The following ATP2B1 variants were observed in gnomAD, a reference collection of about 807,000 sequenced individuals.
ATP2B1 encodes ATPase plasma membrane Ca2+ transporting 1.
Under a neutral mutation model 124.2 loss-of-function variants are expected in ATP2B1, and 14 were observed. The observed-to-expected ratio is 0.11, with a 90% CI of 0.07 to 0.18. ATP2B1 has a LOEUF of 0.18. Among genes scored for constraint, ATP2B1 ranks in the 10% least tolerant of loss-of-function variants. The pLI is 1.00. For synonymous variants in ATP2B1, 449 were observed against 492.4 expected (o/e 0.91, Z 1.17); for missense variants, 763 against 1,466.1 (o/e 0.52, Z 7.83).
Position 89,624,380 on chromosome 12 carries a change from T to C in ATP2B1, c.1147A>G (p.Ile383Val), listed in dbSNP as rs772172164. 41 of 1,613,560 alleles carry C rather than the reference T, an allele frequency of 2.5e-5. No homozygotes were observed. In the Admixed American group the frequency reaches 6.3e-4, roughly 25 times the overall value. The change falls in exon 9 of 21, where the codon ATC (isoleucine) becomes GTC (valine). Residue 383 changes from isoleucine to valine, a missense_variant. This residue lies in a region of ATP2B1 where 392 missense variants were observed against 776.6 expected (regional missense o/e 0.50). Transcript: ENST00000428670. ...IGKAGLLMSA[I>V]TVIILVLYFV... ...TATAATACTAGAATGATAACTGTGA[T>C]GGCAGACATCAACAGACCTTTCAGA...
chr12:89,619,310 C>T (rs1879537174), intron 11 of ATP2B1, among the ~76,000 whole-genome samples: 1 of 151,964 alleles, frequency 6.6e-6, no homozygotes, highest in South Asian at 2.1e-4. Context: ...CCACAATGAG[C>T]GTTGAAGATC....
At chr12:89,604,472 C>T in intron 15 of ATP2B1, 126 bp from the exon 16 acceptor site, 1 of 660,216 alleles carries the variant, frequency 1.5e-6, no homozygotes, top group Non-Finnish European at 2.4e-6. Context: ...TAAATTTACA[C>T]TAAAAGAAGG....
intron 2 of ATP2B1, among the ~76,000 whole-genome samples, chr12:89,648,817 G>T (rs1351800473): frequency 6.6e-6 from 1 of 152,246 alleles, no homozygotes; most frequent in African/African-American, 2.4e-5. Flanking sequence ...CTAGGCCCAG[G>T]GTGCAGCTGT....
At chr12:89,687,325 C>CA in intron 1 of ATP2B1, among the ~76,000 whole-genome samples, 1 of 152,252 alleles carries the variant, frequency 6.6e-6, no homozygotes, top group South Asian at 2.1e-4. Context: ...TATGGGTTTG[C>CA]AGCCTAGAAG....
chr12:89,604,478 G>T (rs1362931981), intron 15 of ATP2B1, 132 bp from the exon 16 acceptor site: 2 of 639,104 alleles, frequency 3.1e-6, no homozygotes, highest in South Asian at 2.5e-5. Flanking sequence ...TACACTAAAA[G>T]AAGGTAACAG....
chr12:89,701,913 C>T (rs1001949979), intron 1 of ATP2B1, among the ~76,000 whole-genome samples: 1 of 152,140 alleles, frequency 6.6e-6, no homozygotes, highest in Non-Finnish European at 1.5e-5. Flanking sequence ...TGAGGGACCA[C>T]CAGACTCTAA....
chr12:89,655,491 T>C (rs1329784435), intron 2 of ATP2B1, 188 bp downstream of exon 2: 3 of 603,726 alleles, frequency 5.0e-6, no homozygotes, highest in South Asian at 2.1e-5. Flanking sequence ...ATAAATTAAT[T>C]TGCAACATTT....
chr12:89,632,775 C>T (rs993307137), intron 5 of ATP2B1, among the ~76,000 whole-genome samples: 3 of 152,174 alleles, frequency 2.0e-5, no homozygotes, highest in African/African-American at 7.2e-5. Context: ...AACTTTCCCA[C>T]CCATACTGCG....
intron 5 of ATP2B1, among the ~76,000 whole-genome samples, chr12:89,634,550 A>AT (rs1341566641): frequency 6.6e-6 from 1 of 152,136 alleles, no homozygotes; most frequent in Non-Finnish European, 1.5e-5. Context: ...AAATCTCTTG[A>AT]TTTTTTGGAC....
At chr12:89,605,525 C>G (rs143374963) in intron 15 of ATP2B1, among the ~76,000 whole-genome samples, 1 of 152,276 alleles carries the variant, frequency 6.6e-6, no homozygotes, top group Admixed American at 6.5e-5. Context: ...TCACCAGATG[C>G]TGGCACCCTG....
At chr12:89,632,184 C>T (rs985078869) in intron 5 of ATP2B1, among the ~76,000 whole-genome samples, 2 of 150,726 alleles carry the variant, frequency 1.3e-5, no homozygotes, top group South Asian at 2.1e-4. Flanking sequence ...ATTTTATTTC[C>T]TTGTTTACAA....
chr12:89,611,608 C>T (rs2136006703), intron 12 of ATP2B1: 1 of 366,998 alleles, frequency 2.7e-6, no homozygotes, highest in South Asian at 1.2e-4. Context: ...TTGTCATCTA[C>T]TAATTTGTTT....
chr12:89,677,013 A>C (rs756602684), intron 1 of ATP2B1, among the ~76,000 whole-genome samples: 12 of 146,496 alleles, frequency 8.2e-5, no homozygotes, highest in Non-Finnish European at 1.2e-4. Flanking sequence ...TCAAAAATAA[A>C]CACCACCACC....
Position 89,590,047 on chromosome 12 carries a change from T to A in ATP2B1, c.*937A>T, listed in dbSNP as rs1873276549. 1 of 152,554 alleles carries A rather than the reference T, an allele frequency of 6.6e-6. No homozygotes were observed. Among genetic ancestry groups the A allele is most frequent in the African/African-American group, 2.4e-5 (1 of 41,440 alleles). 9.5% of individuals were successfully genotyped at this position (152,554 alleles called of 1,614,324 possible). ...GTTCTCTTGTAGTTTGATAGTCTGA[T>A]TTAATTTGATTTGCCTGAAATAACA... On this transcript the variant is annotated 3_prime_UTR_variant, in exon 21 of 21. Transcript: ENST00000428670.
chr12:89,635,304 C>T, intron 3 of ATP2B1, 53 bp from the exon 4 acceptor site: 1 of 1,559,830 alleles, frequency 6.4e-7, no homozygotes. Flanking sequence ...TTGATGACAA[C>T]ATACATATAG....
intron 6 of ATP2B1, among the ~76,000 whole-genome samples, chr12:89,629,826 C>T (rs1881559306): frequency 6.6e-6 from 1 of 152,144 alleles, no homozygotes; most frequent in South Asian, 2.1e-4. Context: ...GTATAGCAGA[C>T]ACTTAGAAGC....
chr12:89,596,053 A>T (rs564496641), intron 20 of ATP2B1, among the ~76,000 whole-genome samples: 1 of 152,200 alleles, frequency 6.6e-6, no homozygotes, highest in South Asian at 2.1e-4. Context: ...AGGTGTGTGC[A>T]TATATGTGTC....
At chr12:89,660,715 GAC>G (rs1394689437) in intron 1 of ATP2B1, among the ~76,000 whole-genome samples, 2 of 152,238 alleles carry the variant, frequency 1.3e-5, no homozygotes, top group East Asian at 3.9e-4. Context: ...AACTTACCTT[GAC>G]ACACAGTAAA....
Position 89,653,296 on chromosome 12 carries a change from T to C in ATP2B1, c.208+2383A>G, listed in dbSNP as rs979176185. On this transcript the variant is annotated intron_variant, in intron 2 of 20. Transcript: ENST00000428670. ...TAGAATTTTTTTCTTTTTTTTTTTTTTTTTTTTTTTTGAGACGGAGTCTCG... is the reference window on the plus strand; with the variant it reads ...TAGAATTTTTTTCTTTTTTTTTTTTCTTTTTTTTTTTGAGACGGAGTCTCG... 4.0e-4 allele frequency among the ~76,000 whole-genome samples: 56 copies of C among 139,832 alleles called. No homozygotes were observed. The East Asian group carries it at 7.7e-3, about 19-fold the overall frequency. The allele number at this position is 139,832 out of a possible 152,430, so 91.7% of individuals were successfully genotyped here.
Sources: gnomAD v4.1 joint callset for allele counts (sites outside exome capture counted in the v4.1 genomes callset) on GRCh38, gnomAD v4.1.1 for gene constraint, gnomAD v4.1.1 regional missense constraint, MANE v1.5 for transcripts, NCBI Gene and HGNC (gene_info 2026-07-23, HGNC 2026-07-21) for gene names.